Variants in DOCK11 observed in about 807,000 individuals in gnomAD.
DOCK11 encodes the protein dedicator of cytokinesis protein 11.
A neutral mutation model predicts 169.1 loss-of-function variants in DOCK11; 70 were observed. That is an observed-to-expected ratio of 0.41 (90% CI 0.34 to 0.51). The LOEUF is 0.51. Ranked by LOEUF, DOCK11 falls within the 20% of genes least tolerant of loss-of-function variation. The pLI is 0.10. For synonymous variants in DOCK11, 529 were observed against 541.3 expected, an observed-to-expected ratio of 0.98 and a Z score of 0.32; for missense variants, 1,166 against 1,538.8, an observed-to-expected ratio of 0.76 and a Z score of 4.05.
In DOCK11 at chrX:118,528,382, G is replaced by C. The variant is rs6655481; in HGVS notation, c.103-14343G>C. Among the ~76,000 whole-genome samples the C allele has an allele frequency of 6.2e-3, 691 of 112,207 alleles. 7 individuals carry two copies. Among genetic ancestry groups the C allele is most frequent in the African/African-American group, 0.021 (654 of 30,937 alleles). ...GGGCTGGGGAGTGGCGGCGGATGGC[G>C]GATGTGGTTCAAAATGACAAGGGGT... On this transcript the variant is annotated intron_variant, in intron 1 of 52. Coordinates refer to ENST00000276202, the MANE Select transcript of DOCK11 (RefSeq NM_144658.4).
At chrX:118,682,750 C>T (rs909206386) in intron 51 of DOCK11, among the ~76,000 whole-genome samples, 2 of 111,940 alleles carry the variant, frequency 1.8e-5, no homozygotes, top group African/African-American at 3.2e-5. Flanking sequence ...ATGAATGACT[C>T]GTTATTTATA....
chrX:118,603,028 A>G (rs964038197), intron 23 of DOCK11, among the ~76,000 whole-genome samples: 4 of 111,996 alleles, frequency 3.6e-5, no homozygotes, highest in Admixed American at 9.5e-5. Flanking sequence ...ATGAGATCCA[A>G]CATGACCAGG....
intron 28 of DOCK11, 148 bp downstream of exon 28, chrX:118,610,566 G>A (rs2014658129): frequency 1.2e-5 from 7 of 571,530 alleles, no homozygotes; most frequent in Non-Finnish European, 1.9e-5. Flanking sequence ...TGGCTATTGT[G>A]AACAGTGCTG....
chrX:118,557,264 A>T (rs2012727596), intron 6 of DOCK11, among the ~76,000 whole-genome samples: 1 of 111,193 alleles, frequency 9.0e-6, no homozygotes, highest in South Asian at 3.8e-4. Context: ...ACTGGGTGCT[A>T]TGATGAGGGC....
intron 39 of DOCK11, among the ~76,000 whole-genome samples, chrX:118,642,174 A>T (rs899219883): frequency 2.7e-5 from 3 of 112,305 alleles, no homozygotes; most frequent in Non-Finnish European, 5.6e-5. Context: ...TAAGAAAGCC[A>T]TTAGATCTCA....
intron 1 of DOCK11, among the ~76,000 whole-genome samples, chrX:118,530,906 C>T (rs1195761561): frequency 1.8e-5 from 2 of 112,093 alleles, no homozygotes; most frequent in Non-Finnish European, 3.8e-5. Flanking sequence ...ATCTATAGAA[C>T]TAAGTTCTAT....
intron 1 of DOCK11, among the ~76,000 whole-genome samples, chrX:118,534,211 A>G (rs191837955): frequency 8.9e-6 from 1 of 112,309 alleles, no homozygotes; most frequent in Non-Finnish European, 1.9e-5. Context: ...CTACCTGTCA[A>G]CAAGTTTGTC....
chrX:118,577,834 T>C (rs911111407), intron 12 of DOCK11, among the ~76,000 whole-genome samples: 1 of 112,213 alleles, frequency 8.9e-6, no homozygotes, highest in African/African-American at 3.2e-5. Context: ...TTTTTCCACT[T>C]GAATTCACTA....
chrX:118,606,850 G>A (rs1042622380), intron 24 of DOCK11, among the ~76,000 whole-genome samples: 1 of 110,958 alleles, frequency 9.0e-6, no homozygotes, highest in Admixed American at 9.6e-5. Flanking sequence ...CAGAAATTCC[G>A]GGAGAGGGGC....
At chrX:118,677,842 CA>C (rs1468584000) in intron 48 of DOCK11, among the ~76,000 whole-genome samples, 1 of 112,005 alleles carries the variant, frequency 8.9e-6, no homozygotes. Context: ...CCCTTGCAGC[CA>C]GATAGTGTAA....
intron 16 of DOCK11, 144 bp from the exon 17 acceptor site, chrX:118,587,993 G>A: frequency 1.9e-6 from 1 of 531,790 alleles, no homozygotes; most frequent in East Asian, 3.9e-5. Flanking sequence ...AAGTTGTCAT[G>A]TGATTTTTTT....
intron 19 of DOCK11, 36 bp downstream of exon 19, chrX:118,590,338 G>A (rs1226184476): frequency 1.7e-5 from 18 of 1,046,869 alleles, no homozygotes; most frequent in Non-Finnish European, 2.4e-5. Context: ...CTAAAACACA[G>A]TGGTTGGAAT....
intron 44 of DOCK11, 72 bp downstream of exon 44, chrX:118,655,033 G>T: frequency 1.0e-6 from 1 of 984,538 alleles, no homozygotes; most frequent in South Asian, 2.0e-5. Context: ...TTGTAGTTTA[G>T]CTATGAATAT....
intron 21 of DOCK11, among the ~76,000 whole-genome samples, chrX:118,597,787 T>C (rs943232180): frequency 1.2e-4 from 13 of 111,784 alleles, no homozygotes; most frequent in African/African-American, 3.9e-4. Context: ...ATTTTGTGCA[T>C]AATTTTAAAA....
intron 40 of DOCK11, among the ~76,000 whole-genome samples, chrX:118,645,703 A>G (rs2015641517): frequency 9.2e-6 from 1 of 108,937 alleles, no homozygotes; most frequent in Non-Finnish European, 1.9e-5. Context: ...TAGGAAGGAA[A>G]CAAACAGTGT....
chrX:118,671,588 C>G (rs1483196401), intron 46 of DOCK11, among the ~76,000 whole-genome samples: 1 of 112,031 alleles, frequency 8.9e-6, no homozygotes, highest in Admixed American at 9.4e-5. Context: ...CTTAAAACAT[C>G]CTACCTTATA....
chrX:118,550,565 G>A (rs1165388453), intron 6 of DOCK11, among the ~76,000 whole-genome samples: 1 of 112,055 alleles, frequency 8.9e-6, no homozygotes, highest in Admixed American at 9.5e-5. Flanking sequence ...AGTGTATGGG[G>A]CAGAGGATTG....
chrX:118,530,978 C>T (rs2147330597), intron 1 of DOCK11, among the ~76,000 whole-genome samples: 1 of 111,825 alleles, frequency 8.9e-6, no homozygotes, highest in Non-Finnish European at 1.9e-5. Flanking sequence ...AGCAGCAAGC[C>T]TCACTTTTGT....
chrX:118,681,244 T>C lies in DOCK11; in HGVS notation c.5858T>C (p.Val1953Ala). 8.5e-7 allele frequency: 1 copy of C among 1,177,906 alleles called. No homozygotes were observed. The highest frequency in any genetic ancestry group is 1.1e-6 in the Non-Finnish European group (1 of 880,404). ...LQLKLQGCVS[V>A]QVNAGPLAYA... The stretch of plus-strand genomic sequence containing the variant: ...CTTAAATTGCAGGGCTGTGTTTCTG[T>C]GCAGGTACGTTGGTCATCCAACATG... Residue 1953 changes from valine (V) to alanine (A), a missense_variant, in exon 50 of 53, where the codon GTG becomes GCG. Physicochemically the swap from Val to Ala is moderately conservative, Grantham distance 64 (BLOSUM62 0). Transcript: ENST00000276202.
Sources: allele counts gnomAD v4.1 joint callset (sites outside exome capture counted in the v4.1 genomes callset), GRCh38; gene constraint gnomAD v4.1.1; transcripts MANE v1.5; gene names NCBI Gene and HGNC (gene_info 2026-07-23, HGNC 2026-07-21).